Variants in STARD13 observed in about 807,000 individuals in gnomAD.
STARD13 encodes stAR-related lipid transfer protein 13.
In STARD13, 62 loss-of-function variants were observed where a neutral mutation model predicts 106.4. The ratio of observed to expected loss-of-function variants is 0.58; its 90% confidence interval spans 0.48 to 0.72. The LOEUF is 0.72. STARD13 is among the 30% of genes least tolerant of loss of function. The pLI is 0.00. For synonymous variants in STARD13, 565 were observed against 553.0 expected (o/e 1.02, Z -0.31); for missense variants, 1,387 against 1,424.0 (o/e 0.97, Z 0.42).
At chr13:33,489,353 T>C in the STARD13 span, among the ~76,000 whole-genome samples, 7 of 152,192 alleles carry the variant, frequency 4.6e-5, no homozygotes, top group Admixed American at 4.6e-4. Context: ...TAAAGCCTTT[T>C]GTGTTATTAA....
intron 1 of STARD13, among the ~76,000 whole-genome samples, chr13:33,196,849 C>T (rs1474362260): frequency 6.6e-6 from 1 of 152,136 alleles, no homozygotes; most frequent in Non-Finnish European, 1.5e-5. Context: ...CAGATTTAGA[C>T]CAGAAAAGAA....
At chr13:33,494,362 G>A in the STARD13 span, among the ~76,000 whole-genome samples, 1 of 109,022 alleles carries the variant, frequency 9.2e-6, no homozygotes. Context: ...TAAATTCCAG[G>A]AGAGCCGTGA....
chr13:33,401,466 G>A, the STARD13 span, among the ~76,000 whole-genome samples: 20 of 152,162 alleles, frequency 1.3e-4, no homozygotes, highest in African/African-American at 3.4e-4. Flanking sequence ...ATCAAGTGCC[G>A]CAGGCTTCCT....
chr13:33,384,715 A>G, the STARD13 span, among the ~76,000 whole-genome samples: 1 of 152,144 alleles, frequency 6.6e-6, no homozygotes, highest in East Asian at 1.9e-4. Flanking sequence ...GTAGTCCTCA[A>G]ACTCTTTGAT....
the STARD13 span, among the ~76,000 whole-genome samples, chr13:33,473,138 G>A: frequency 6.6e-6 from 1 of 152,150 alleles, no homozygotes; most frequent in African/African-American, 2.4e-5. Context: ...CCATGTGCCA[G>A]GCATGGTGTT....
At chr13:33,281,362 A>G (rs1303397580) in intron 1 of STARD13, 1 of 152,056 alleles carries the variant, frequency 6.6e-6, no homozygotes, top group African/African-American at 2.4e-5. Context: ...TCACAAAGCA[A>G]GCAATCACAT....
chr13:33,317,292 T>C (rs1187154699), intron 1 of STARD13, among the ~76,000 whole-genome samples: 1 of 152,152 alleles, frequency 6.6e-6, no homozygotes, highest in Non-Finnish European at 1.5e-5. Context: ...GCCAGGCTTC[T>C]CCAACTCATT....
chr13:33,315,982 T>C (rs989900630), intron 1 of STARD13, among the ~76,000 whole-genome samples: 3 of 152,192 alleles, frequency 2.0e-5, no homozygotes, highest in African/African-American at 7.2e-5. Context: ...TGCATTCTAC[T>C]TACCAAGTGG....
the STARD13 span, among the ~76,000 whole-genome samples, chr13:33,533,562 CTTTT>C: frequency 6.7e-6 from 1 of 148,956 alleles, no homozygotes; most frequent in East Asian, 2.0e-4. Context: ...AAACAAAGCT[CTTTT>C]TTTTTTGTTC....
the STARD13 span, among the ~76,000 whole-genome samples, chr13:33,427,955 C>CAAAAAAAA: frequency 9.9e-6 from 1 of 100,934 alleles, no homozygotes; most frequent in African/African-American, 3.7e-5. Context: ...AACTCCGTCT[C>CAAAAAAAA]AAAAAAAAAA....
intron 1 of STARD13, among the ~76,000 whole-genome samples, chr13:33,311,679 T>A (rs1484606116): frequency 1.3e-5 from 2 of 152,242 alleles, no homozygotes; most frequent in Non-Finnish European, 2.9e-5. Flanking sequence ...CATCTCTCTG[T>A]TCATTGAGTC....
the STARD13 span, chr13:33,661,488 C>G: frequency 6.6e-6 from 1 of 152,344 alleles, no homozygotes; most frequent in African/African-American, 2.4e-5. Flanking sequence ...TCTCACACTT[C>G]TATAAAGAGC....
At chr13:33,232,184 G>GGGCA (rs1888960062) in intron 1 of STARD13, among the ~76,000 whole-genome samples, 1 of 152,106 alleles carries the variant, frequency 6.6e-6, no homozygotes, top group Non-Finnish European at 1.5e-5. Context: ...ATGGTGGTGT[G>GGGCA]TGCCTGTAAT....
At chr13:33,406,581 C>T in the STARD13 span, among the ~76,000 whole-genome samples, 5 of 152,146 alleles carry the variant, frequency 3.3e-5, no homozygotes, top group African/African-American at 4.8e-5. Context: ...AACTCATGGC[C>T]AACAGCACTG....
At chr13:33,172,940 G>A (rs972422394) in intron 1 of STARD13, among the ~76,000 whole-genome samples, 2 of 152,036 alleles carry the variant, frequency 1.3e-5, no homozygotes, top group Non-Finnish European at 2.9e-5. Flanking sequence ...TTAAATGTTC[G>A]TTAAAAGTAC....
At chr13:33,331,563 G>C (rs1385863547) in intron 1 of STARD13, among the ~76,000 whole-genome samples, 2 of 138,706 alleles carry the variant, frequency 1.4e-5, no homozygotes, top group Non-Finnish European at 1.5e-5. Flanking sequence ...AACAGGTTTC[G>C]CCATGTTGGT....
intron 4 of STARD13, among the ~76,000 whole-genome samples, chr13:33,131,363 G>A (rs1482501107): frequency 6.6e-6 from 1 of 152,054 alleles, no homozygotes; most frequent in African/African-American, 2.4e-5. Context: ...TAAAAATGTG[G>A]GAGAAACCCT....
At chr13:33,238,933 A>T (rs762746592) in intron 1 of STARD13, among the ~76,000 whole-genome samples, 17 of 152,102 alleles carry the variant, frequency 1.1e-4, no homozygotes, top group Admixed American at 5.9e-4. Flanking sequence ...GTAACACATT[A>T]GTGTTTTTTC....
intron 1 of STARD13, among the ~76,000 whole-genome samples, chr13:33,339,637 C>T (rs992963367): frequency 6.6e-6 from 1 of 152,212 alleles, no homozygotes; most frequent in African/African-American, 2.4e-5. Context: ...AAATCAAACA[C>T]TTAGCACAAA....
Sources: gnomAD v4.1 joint callset for allele counts (sites outside exome capture counted in the v4.1 genomes callset) on GRCh38, gnomAD v4.1.1 for gene constraint, MANE v1.5 for transcripts, NCBI Gene and HGNC (gene_info 2026-07-23, HGNC 2026-07-21) for gene names.